Variants in FAM107B observed in about 807,000 individuals in gnomAD.
FAM107B encodes protein FAM107B.
In FAM107B, 21 loss-of-function variants were observed where a neutral mutation model predicts 31.5. That is an observed-to-expected ratio of 0.67 (90% CI 0.47 to 0.96). The LOEUF (loss-of-function observed/expected upper bound fraction) is 0.96, where lower values mean the gene tolerates loss of function less well. Among genes scored for constraint, FAM107B ranks in the 40% least tolerant of loss-of-function variants. The probability of loss-of-function intolerance (pLI) is 0.00; values close to 1 mark genes in which losing one functional copy is unlikely to be tolerated. For missense variants in FAM107B, 452 were observed against 377.1 expected, an observed-to-expected ratio of 1.20 and a Z score of -1.64; for synonymous variants, 157 against 141.5, an observed-to-expected ratio of 1.11 and a Z score of -0.78.
At chr10:14,556,419 T>TA (rs1386542332) in intron 2 of FAM107B, 1 of 985,260 alleles carries the variant, frequency 1.0e-6, no homozygotes, top group Admixed American at 6.1e-5. Flanking sequence ...AAAAAGGAAA[T>TA]ACACCAGTCA....
intron 2 of FAM107B, among the ~76,000 whole-genome samples, chr10:14,646,158 T>C (rs1179800993): frequency 1.3e-5 from 2 of 152,348 alleles, no homozygotes; most frequent in East Asian, 1.9e-4. Flanking sequence ...ATTAGTTACA[T>C]GTGTATGCAT....
At chr10:14,683,818 C>A (rs1221770666) in intron 1 of FAM107B, among the ~76,000 whole-genome samples, 1 of 152,064 alleles carries the variant, frequency 6.6e-6, no homozygotes, top group East Asian at 1.9e-4. Context: ...ATGTTTCTCC[C>A]AAAAATTATT....
chr10:14,661,252 G>T (rs1246820871), intron 2 of FAM107B, among the ~76,000 whole-genome samples: 8 of 152,204 alleles, frequency 5.3e-5, no homozygotes, highest in African/African-American at 1.9e-4. Flanking sequence ...TACCAGAAAA[G>T]TGTGATGGTT....
chr10:14,604,115 C>T lies in FAM107B; in HGVS notation c.469+63519G>A, dbSNP rs1310691826. The T allele has an allele frequency of 9.6e-6, 4 of 418,178 alleles. No homozygotes were observed. The East Asian group carries it at 5.1e-4, about 53-fold the overall frequency. 25.9% of individuals were successfully genotyped at this position (418,178 alleles called of 1,614,324 possible). A position where few individuals can be genotyped will look rare whatever the true frequency, so the allele number is the denominator to read the frequency against. On this transcript the variant is annotated intron_variant, in intron 2 of 4. Coordinates refer to ENST00000181796, the MANE Select transcript of FAM107B (RefSeq NM_031453.4). ...CCCGCTGCCCTCCCGCGCACGGGGA[C>T]CCCCCACCCGCCCGGCCGCCCGCCC...
intron 2 of FAM107B, among the ~76,000 whole-genome samples, chr10:14,608,221 C>G (rs1431590758): frequency 6.6e-6 from 1 of 152,202 alleles, no homozygotes; most frequent in African/African-American, 2.4e-5. Flanking sequence ...CATGTATACT[C>G]TTTTGTATCT....
chr10:14,729,136 A>G lies in FAM107B; in HGVS notation c.411+45117T>C, dbSNP rs80212923. ...GCCTCCCAAGTAGCTAGGACCACAG[A>G]TGTGCATTGTCATACCTGGCTATTT... is the stretch of plus-strand genomic sequence containing the variant. On this transcript the variant is annotated intron_variant, in intron 1 of 4. Coordinates refer to ENST00000181796, the MANE Select transcript of FAM107B (RefSeq NM_031453.4). Among the ~76,000 whole-genome samples the G allele has an allele frequency of 8.0e-3, 1,218 of 152,106 alleles. 46 individuals carry two copies. In the East Asian group the frequency reaches 0.13, roughly 16 times the overall value.
At chr10:14,730,571 C>T (rs930591083) in intron 1 of FAM107B, among the ~76,000 whole-genome samples, 4 of 152,166 alleles carry the variant, frequency 2.6e-5, no homozygotes, top group Non-Finnish European at 5.9e-5. Context: ...GCCTGATCGA[C>T]CAGGTGGTGT....
chr10:14,657,339 A>G (rs1469734307), intron 2 of FAM107B, among the ~76,000 whole-genome samples: 3 of 152,160 alleles, frequency 2.0e-5, no homozygotes, highest in African/African-American at 7.2e-5. Context: ...TTGTACTTGG[A>G]AATCCTATCT....
At chr10:14,760,943 C>T (rs543544764) in intron 1 of FAM107B, among the ~76,000 whole-genome samples, 1 of 134,928 alleles carries the variant, frequency 7.4e-6, no homozygotes, top group East Asian at 2.2e-4. Context: ...ACCCGGGAGG[C>T]GAAGGTTGCA....
intron 1 of FAM107B, among the ~76,000 whole-genome samples, chr10:14,690,156 C>T (rs904713731): frequency 2.0e-5 from 3 of 152,110 alleles, no homozygotes; most frequent in Non-Finnish European, 4.4e-5. Flanking sequence ...TAATGGGTTC[C>T]CTTGCCCTCT....
chr10:14,763,423 G>A (rs910304525), intron 1 of FAM107B, among the ~76,000 whole-genome samples: 10 of 152,214 alleles, frequency 6.6e-5, no homozygotes, highest in African/African-American at 2.4e-4. Flanking sequence ...CAGGGAGCAA[G>A]CTGTAGGAGG....
At chr10:14,679,786 C>T (rs1854783787) in intron 1 of FAM107B, among the ~76,000 whole-genome samples, 2 of 152,178 alleles carry the variant, frequency 1.3e-5, no homozygotes, top group South Asian at 2.1e-4. Flanking sequence ...GACCCACCCT[C>T]AATCTAGTGG....
intron 2 of FAM107B, among the ~76,000 whole-genome samples, chr10:14,603,927 C>G (rs1163215320): frequency 6.6e-6 from 1 of 150,398 alleles, no homozygotes; most frequent in Non-Finnish European, 1.5e-5. Context: ...AGGGCTCCCC[C>G]GCGGCAGCGC....
chr10:14,534,812 C>G (rs989416217), intron 2 of FAM107B: 4 of 152,256 alleles, frequency 2.6e-5, no homozygotes, highest in African/African-American at 9.6e-5. Context: ...ATCTTATCCT[C>G]TCTTCACTGC....
chr10:14,592,610 T>C (rs1364492819), intron 2 of FAM107B, among the ~76,000 whole-genome samples: 1 of 152,236 alleles, frequency 6.6e-6, no homozygotes, highest in Admixed American at 6.5e-5. Context: ...AGGCATAACT[T>C]GCATAAAGTG....
chr10:14,556,591 C>G (rs921873090), intron 2 of FAM107B, among the ~76,000 whole-genome samples: 2 of 152,216 alleles, frequency 1.3e-5, no homozygotes, highest in Admixed American at 1.3e-4. Context: ...CTTGAGATCT[C>G]CCTGGTCCAT....
In FAM107B at chr10:14,641,633, T is replaced by C. The variant is rs143001252; in HGVS notation, c.469+26001A>G. Among the ~76,000 whole-genome samples the C allele has an allele frequency of 3.0e-3, 451 of 152,346 alleles. 1 individual carries two copies. The highest frequency in any genetic ancestry group is 4.6e-3 in the Admixed American group (71 of 15,302). On this transcript the variant is annotated intron_variant, in intron 2 of 4. Transcript: ENST00000181796. ...AAAAAGAGAGAGAGAGGAAGCGCTC[T>C]GATGTCTCTTCTTCTGAGGGCACTA...
chr10:14,564,264 C>G (rs766220218), intron 2 of FAM107B, among the ~76,000 whole-genome samples: 1 of 152,022 alleles, frequency 6.6e-6, no homozygotes, highest in Non-Finnish European at 1.5e-5. Context: ...TTACTGACTT[C>G]TGCTTAAAAA....
chr10:14,527,222 T>C (rs1846365321), intron 3 of FAM107B, among the ~76,000 whole-genome samples: 1 of 151,974 alleles, frequency 6.6e-6, no homozygotes. Flanking sequence ...TGCCTTTTTA[T>C]ACTACTGAAA....
Sources: gnomAD v4.1 joint callset for allele counts (sites outside exome capture counted in the v4.1 genomes callset) on GRCh38, gnomAD v4.1.1 for gene constraint, MANE v1.5 for transcripts, NCBI Gene and HGNC (gene_info 2026-07-23, HGNC 2026-07-21) for gene names.